TDRD7: variants seen among roughly 807,000 people sequenced by gnomAD.
TDRD7 encodes the protein tudor domain containing 7.
A neutral mutation model predicts 109.8 loss-of-function variants in TDRD7; 47 were observed. The ratio of observed to expected loss-of-function variants is 0.43; its 90% CI spans 0.34 to 0.55. The LOEUF is 0.55. Among genes scored for constraint, TDRD7 ranks in the 20% least tolerant of loss-of-function variants. TDRD7 has a pLI of 0.03. For missense variants in TDRD7, 1,164 were observed against 1,319.2 expected (o/e 0.88, Z 1.82); for synonymous variants, 424 against 457.3 (o/e 0.93, Z 0.93).
intron 8 of TDRD7, among the ~76,000 whole-genome samples, chr9:97,468,285 G>A (rs923260561): frequency 3.3e-5 from 5 of 152,324 alleles, no homozygotes; most frequent in Admixed American, 6.5e-5. Flanking sequence ...GAGGCATAAG[G>A]GGAGCAGAAA....
chr9:97,463,383 T>TG (rs1564207332), intron 7 of TDRD7, among the ~76,000 whole-genome samples: 1 of 151,312 alleles, frequency 6.6e-6, no homozygotes, highest in East Asian at 1.9e-4. Context: ...GAGTTTTGTT[T>TG]TTTTTTTTTT....
Position 97,476,028 on chromosome 9 carries a change from C to T in TDRD7, c.2166+559C>T, listed in dbSNP as rs73565850. Among the ~76,000 whole-genome samples, 1,200 of 152,232 alleles carry T rather than the reference C, an allele frequency of 7.9e-3. 19 individuals carry two copies. The highest frequency in any genetic ancestry group is 0.026 in the African/African-American group (1,064 of 41,546). ...CCTGATGATGGATATTTAGATTGTT[C>T]CTAATTTTTTGAACCTTCCTGTCTG... On this transcript the variant is annotated intron_variant, in intron 12 of 16. Coordinates refer to ENST00000355295, the MANE Select transcript of TDRD7 (RefSeq NM_014290.3).
At chr9:97,484,175 C>T (rs1171225645) in intron 15 of TDRD7, among the ~76,000 whole-genome samples, 1 of 152,198 alleles carries the variant, frequency 6.6e-6, no homozygotes, top group Non-Finnish European at 1.5e-5. Context: ...ATGCTTATTT[C>T]ACTACTCTTT....
At chr9:97,421,695 CTT>C (rs1018561667) in intron 1 of TDRD7, among the ~76,000 whole-genome samples, 3 of 126,620 alleles carry the variant, frequency 2.4e-5, no homozygotes, top group South Asian at 2.8e-4. Flanking sequence ...CTATGCCCAG[CTT>C]TTGTGTGTGT....
intron 2 of TDRD7, among the ~76,000 whole-genome samples, chr9:97,429,925 T>C (rs1828071162): frequency 1.3e-5 from 2 of 152,254 alleles, no homozygotes; most frequent in South Asian, 4.1e-4. Context: ...TTGGACATTT[T>C]AAATGTTTCC....
intron 8 of TDRD7, among the ~76,000 whole-genome samples, chr9:97,466,533 A>T (rs1011847391): frequency 6.6e-6 from 1 of 152,218 alleles, no homozygotes; most frequent in Non-Finnish European, 1.5e-5. Context: ...CCCAAACTGG[A>T]CACAGCCCAA....
chr9:97,478,519 G>A lies in TDRD7; in HGVS notation c.2247G>A (p.Glu749=). 1 of 1,614,042 alleles carries A rather than the reference G, an allele frequency of 6.2e-7. No homozygotes were observed. ...CTGTGACATCTGTAAAAGTGTCAGAGCTCAGGGAAATTCCACCTCGGTTTC... is the reference window on the plus strand; with the variant it reads ...CTGTGACATCTGTAAAAGTGTCAGAACTCAGGGAAATTCCACCTCGGTTTC... The part of the protein sequence containing the change: ...SGTVTSVKVS[E]LREIPPRFLQ... The change falls in exon 13 of 17, where the codon GAG becomes GAA. Residue 749 remains glutamate (E), a synonymous_variant. Transcript: ENST00000355295.
At chr9:97,439,402 T>C in intron 5 of TDRD7, 84 bp downstream of exon 5, 1 of 1,115,040 alleles carries the variant, frequency 9.0e-7, no homozygotes, top group African/African-American at 1.5e-5. Flanking sequence ...ACATTTGCTC[T>C]CACCTTCTCC....
intron 15 of TDRD7, among the ~76,000 whole-genome samples, chr9:97,483,967 T>C (rs1829168430): frequency 6.6e-6 from 1 of 152,196 alleles, no homozygotes; most frequent in Non-Finnish European, 1.5e-5. Flanking sequence ...CTTACCATTC[T>C]ATTTTGTTAT....
chr9:97,435,073 A>G (rs932683259), intron 4 of TDRD7, among the ~76,000 whole-genome samples: 1 of 152,166 alleles, frequency 6.6e-6, no homozygotes, highest in Non-Finnish European at 1.5e-5. Context: ...CCTTGTAGCC[A>G]TGGGACAGTT....
At chr9:97,477,181 T>C (rs559687385) in intron 12 of TDRD7, among the ~76,000 whole-genome samples, 46 of 152,374 alleles carry the variant, frequency 3.0e-4, no homozygotes, top group African/African-American at 9.1e-4. Flanking sequence ...AGAGGTCTCA[T>C]TGGCCTTTTA....
intron 1 of TDRD7, among the ~76,000 whole-genome samples, chr9:97,419,959 T>A (rs946030185): frequency 2.0e-5 from 3 of 152,166 alleles, no homozygotes; most frequent in Non-Finnish European, 4.4e-5. Context: ...ATCTATAAGT[T>A]GAGGATAATA....
At chr9:97,438,277 C>T (rs988771906) in intron 4 of TDRD7, among the ~76,000 whole-genome samples, 1 of 152,188 alleles carries the variant, frequency 6.6e-6, no homozygotes, top group Non-Finnish European at 1.5e-5. Context: ...AGAACCTAAT[C>T]ATTTCTTTTA....
intron 8 of TDRD7, among the ~76,000 whole-genome samples, chr9:97,466,602 C>G (rs1187432553): frequency 6.6e-6 from 1 of 152,172 alleles, no homozygotes; most frequent in African/African-American, 2.4e-5. Flanking sequence ...TAGTAGAACA[C>G]TGTTAACAAT....
chr9:97,425,919 C>T (rs1827986016), intron 1 of TDRD7, among the ~76,000 whole-genome samples: 1 of 152,122 alleles, frequency 6.6e-6, no homozygotes, highest in East Asian at 1.9e-4. Context: ...GCCTGTTGTT[C>T]CCAGGCTTCA....
At chr9:97,489,906 C>G (rs1564217769) in intron 16 of TDRD7, among the ~76,000 whole-genome samples, 1 of 152,126 alleles carries the variant, frequency 6.6e-6, no homozygotes, top group Non-Finnish European at 1.5e-5. Context: ...TGACATTGCA[C>G]TGTTTCATAG....
chr9:97,476,386 A>T (rs1375856063), intron 12 of TDRD7, among the ~76,000 whole-genome samples: 2 of 151,070 alleles, frequency 1.3e-5, no homozygotes, highest in African/African-American at 2.5e-5. Context: ...TATGTTTTTA[A>T]AAAGGCAAGT....
chr9:97,479,533 C>T (rs773307233), intron 13 of TDRD7, among the ~76,000 whole-genome samples: 6 of 152,126 alleles, frequency 3.9e-5, no homozygotes, highest in Non-Finnish European at 8.8e-5. Context: ...CTGTATGCTA[C>T]GGCATTAACA....
Position 97,460,411 on chromosome 9 carries a change from A to G in TDRD7, c.1089A>G (p.Lys363=). 1 of 1,614,212 alleles carries G rather than the reference A, an allele frequency of 6.2e-7. No individual in the cohort carries two copies. Among genetic ancestry groups the G allele is most frequent in the Non-Finnish European group, 8.5e-7 (1 of 1,180,042 alleles). Residue 363 remains lysine, a synonymous_variant, in exon 7 of 17, where the codon AAA becomes AAG. Transcript: ENST00000355295. ...TSGLWASALP[K]AFEEMYKVKF... ...GCCTTTGGGCCAGTGCACTTCCGAA[A>G]GCATTTGAGGAAATGTACAAAGTGA...
Sources: allele counts gnomAD v4.1 joint callset (sites outside exome capture counted in the v4.1 genomes callset), GRCh38; gene constraint gnomAD v4.1.1; transcripts MANE v1.5; gene names NCBI Gene and HGNC (gene_info 2026-07-23, HGNC 2026-07-21).